Variants in CHRNA7 observed in about 807,000 individuals in gnomAD.
CHRNA7 encodes cholinergic receptor nicotinic alpha 7 subunit.
In CHRNA7, 17 loss-of-function variants were observed where a neutral mutation model predicts 48.0. The observed-to-expected ratio is 0.35, with a 90% confidence interval of 0.24 to 0.53. The LOEUF (loss-of-function observed/expected upper bound fraction) is 0.53, where lower values mean the gene tolerates loss of function less well. CHRNA7 is among the 20% of genes least tolerant of loss of function. CHRNA7 has a pLI of 0.92. For synonymous variants in CHRNA7, 75 were observed against 242.3 expected (o/e 0.31, Z 6.41); for missense variants, 155 against 577.7 (o/e 0.27, Z 7.50).
intron 2 of CHRNA7, among the ~76,000 whole-genome samples, chr15:32,069,903 C>T (rs551155698): frequency 3.3e-5 from 5 of 152,020 alleles, no homozygotes; most frequent in East Asian, 1.9e-4. Context: ...GAACTTGAAA[C>T]GCACTCTGGG....
chr15:32,104,096 C>G (rs1191001789), intron 3 of CHRNA7, among the ~76,000 whole-genome samples: 1 of 152,112 alleles, frequency 6.6e-6, no homozygotes, highest in East Asian at 1.9e-4. Flanking sequence ...TGGCACAGAT[C>G]CCTCCAGGGG....
At chr15:32,120,583 G>T (rs907414853) in intron 4 of CHRNA7, among the ~76,000 whole-genome samples, 2 of 152,132 alleles carry the variant, frequency 1.3e-5, no homozygotes, top group Middle Eastern at 3.4e-3. Flanking sequence ...TGGAATGACA[G>T]AACCCAACTG....
At chr15:32,129,628 C>T (rs73369042) in intron 4 of CHRNA7, among the ~76,000 whole-genome samples, 2,564 of 151,830 alleles carry the variant, frequency 0.017, 63 homozygotes, top group African/African-American at 0.055. Context: ...AGAATACATT[C>T]GTGGTATTAG....
rs886825445 is a variant in CHRNA7, at chr15:32,149,875, T to C, written c.351-4032T>C. On this transcript the variant is annotated intron_variant, in intron 4 of 9. Transcript: ENST00000306901. The surrounding 1 kb of genome is among the most constrained non-coding windows in gnomAD (Gnocchi z 4.6). Reference sequence around the variant, plus strand: ...CTTGAAAGAAAGGCTTGTAGGAACTTTTTTTTTTTCAGAGTTGAATCACTG... The same window carrying C: ...CTTGAAAGAAAGGCTTGTAGGAACTCTTTTTTTTTCAGAGTTGAATCACTG... Among the ~76,000 whole-genome samples the C allele has an allele frequency of 2.0e-5, 3 of 150,676 alleles. No individual in the cohort carries two copies. The highest frequency in any genetic ancestry group is 7.3e-5 in the African/African-American group (3 of 41,094).
In CHRNA7 at chr15:32,140,863, C is replaced by T. The variant is rs1196564742; in HGVS notation, c.351-13044C>T. Among the ~76,000 whole-genome samples, 3 of 152,110 alleles carry T rather than the reference C, an allele frequency of 2.0e-5. No homozygotes were observed. In the East Asian group the frequency reaches 5.8e-4, roughly 29 times the overall value. On this transcript the variant is annotated intron_variant, in intron 4 of 9. Transcript: ENST00000306901. ...TAGATTGCAAAAATTTTCTCCCATT[C>T]TCTAGGTTGCCTGTTCACTCTGATG...
At chr15:32,100,760 T>C (rs1566838469) in intron 2 of CHRNA7, 2 of 154,964 alleles carry the variant, frequency 1.3e-5, no homozygotes, top group Non-Finnish European at 2.9e-5. Context: ...AAGTTAGAGG[T>C]TGAGAGAAAA....
chr15:32,038,195 TATAATATAC>T (rs1176844968), intron 2 of CHRNA7, among the ~76,000 whole-genome samples: 3 of 148,364 alleles, frequency 2.0e-5, no homozygotes, highest in African/African-American at 4.9e-5. Context: ...ATTTTGTATA[TATAATATAC>T]ATATTTTATA....
At chr15:32,148,044 TTCA>T (rs756623436) in intron 4 of CHRNA7, among the ~76,000 whole-genome samples, 16 of 152,346 alleles carry the variant, frequency 1.1e-4, no homozygotes, top group Admixed American at 6.5e-5. Context: ...AGATTTCATC[TTCA>T]TCTCTCTTGC....
intron 3 of CHRNA7, among the ~76,000 whole-genome samples, chr15:32,103,753 G>A (rs898843982): frequency 6.6e-6 from 1 of 152,076 alleles, no homozygotes; most frequent in Non-Finnish European, 1.5e-5. Flanking sequence ...TAGTGTCCGT[G>A]GGTCATTCTC....
intron 2 of CHRNA7, among the ~76,000 whole-genome samples, chr15:32,043,843 T>C (rs913299675): frequency 6.6e-5 from 10 of 152,314 alleles, no homozygotes; most frequent in Non-Finnish European, 1.5e-4. Flanking sequence ...TAGACTTCTC[T>C]TTCTTGAGAG....
intron 1 of CHRNA7, 83 bp from the exon 2 acceptor site, chr15:32,030,801 TGCACCGGGTGGGCG>T (rs1901785820): frequency 2.0e-6 from 3 of 1,523,958 alleles, no homozygotes; most frequent in Non-Finnish European, 2.6e-6. Flanking sequence ...TTGTCTGGGC[TGCACCGGGTGGGCG>T]GCGGGGGACG....
intron 2 of CHRNA7, among the ~76,000 whole-genome samples, chr15:32,060,284 G>C (rs933709022): frequency 1.6e-4 from 24 of 152,074 alleles, no homozygotes; most frequent in African/African-American, 5.3e-4. Context: ...TGCATTCTAA[G>C]ATACTTTTCT....
intron 2 of CHRNA7, among the ~76,000 whole-genome samples, chr15:32,075,335 CTT>C (rs1407490821): frequency 3.3e-5 from 5 of 152,064 alleles, no homozygotes; most frequent in African/African-American, 4.8e-5. Context: ...GGCTTAGAGA[CTT>C]TATTTTTAAG....
intron 2 of CHRNA7, among the ~76,000 whole-genome samples, chr15:32,049,601 A>T (rs902432943): frequency 1.3e-5 from 2 of 152,086 alleles, no homozygotes; most frequent in African/African-American, 4.8e-5. Context: ...TCTTTATCCA[A>T]TTTGCCAGTC....
At chr15:32,036,753 C>T (rs1902108076) in intron 2 of CHRNA7, among the ~76,000 whole-genome samples, 1 of 140,812 alleles carries the variant, frequency 7.1e-6, no homozygotes, top group African/African-American at 2.6e-5. Flanking sequence ...CTGTTAAGGT[C>T]TTTGGCCAAG....
At chr15:32,106,882 T>A (rs2050678419) in intron 3 of CHRNA7, among the ~76,000 whole-genome samples, 1 of 152,218 alleles carries the variant, frequency 6.6e-6, no homozygotes, top group South Asian at 2.1e-4. Flanking sequence ...AATATTTACC[T>A]TTTTAATTTC....
At chr15:32,104,403 A>G (rs1033504184) in intron 3 of CHRNA7, among the ~76,000 whole-genome samples, 6 of 151,708 alleles carry the variant, frequency 4.0e-5, no homozygotes, top group Non-Finnish European at 7.4e-5. Flanking sequence ...GTCTTCTTTG[A>G]GCTCCGATGT....
At chr15:32,089,605 G>A (rs1426994737) in intron 2 of CHRNA7, among the ~76,000 whole-genome samples, 1 of 152,058 alleles carries the variant, frequency 6.6e-6, no homozygotes, top group Non-Finnish European at 1.5e-5. Flanking sequence ...TTTGCATGTT[G>A]TTTATTTTTC....
intron 2 of CHRNA7, among the ~76,000 whole-genome samples, chr15:32,057,512 G>A (rs2049806345): frequency 6.6e-6 from 1 of 152,118 alleles, no homozygotes; most frequent in African/African-American, 2.4e-5. Flanking sequence ...CAACTTTATA[G>A]CCATAGCTAA....
Sources: allele counts gnomAD v4.1 joint callset (sites outside exome capture counted in the v4.1 genomes callset), GRCh38; gene constraint gnomAD v4.1.1; non-coding constraint Gnocchi (gnomAD v3.1); transcripts MANE v1.5; gene names NCBI Gene and HGNC (gene_info 2026-07-23, HGNC 2026-07-21).